The following SLC14A1 variants were observed in gnomAD, a reference collection of about 807,000 sequenced individuals.
SLC14A1 encodes the protein solute carrier family 14 member 1 (Kidd blood group), also known as urea transporter 1.
In SLC14A1, 36 loss-of-function variants were observed where a neutral mutation model predicts 39.6. That is an observed-to-expected ratio of 0.91 (90% CI 0.70 to 1.20). SLC14A1 has a LOEUF of 1.20. Ranked by LOEUF, SLC14A1 falls within the 50% of genes most tolerant of loss-of-function variation. The pLI is 0.00. For synonymous variants in SLC14A1, 164 were observed against 173.6 expected, an observed-to-expected ratio of 0.94 and a Z score of 0.43; for missense variants, 469 against 478.7, an observed-to-expected ratio of 0.98 and a Z score of 0.19.
At position 45,752,328 on chromosome 18, in the gene SLC14A1, C is replaced by A; in HGVS notation, c.*2377C>A. 1.5e-6 allele frequency: 1 copy of A among 658,248 alleles called. No homozygotes were observed. Among genetic ancestry groups the A allele is most frequent in the Non-Finnish European group, 1.9e-6 (1 of 531,488 alleles). The allele number at this position is 658,248 out of a possible 1,614,324, so 40.8% of individuals were successfully genotyped here. On this transcript the variant is annotated 3_prime_UTR_variant, in exon 10 of 10. Coordinates refer to ENST00000321925, the MANE Select transcript of SLC14A1 (RefSeq NM_015865.7). ...AGAACAGGGATCTACCATGCAGGAG[C>A]TTCTTGTGCTCACACAAATCTGTAA...
chr18:45,751,038 A>G lies in SLC14A1; in HGVS notation c.*1087A>G. 4 of 985,078 alleles carry G rather than the reference A, an allele frequency of 4.1e-6. No individual in the cohort carries two copies. The South Asian group carries it at 1.9e-4, about 46-fold the overall frequency. The allele number at this position is 985,078 out of a possible 1,614,324, so 61.0% of individuals were successfully genotyped here. A position where few individuals can be genotyped will look rare whatever the true frequency, so the allele number is the denominator to read the frequency against. On this transcript the variant is annotated 3_prime_UTR_variant, in exon 10 of 10. Transcript: ENST00000321925. Reference sequence around the variant, plus strand: ...TCTCTCAGAAATCAATGGCATTTGAACCACCAAAAAGAAATAAAGGGCTGA... The same window carrying G: ...TCTCTCAGAAATCAATGGCATTTGAGCCACCAAAAAGAAATAAAGGGCTGA...
intron 8 of SLC14A1, among the ~76,000 whole-genome samples, chr18:45,742,558 C>A (rs1044853526): frequency 6.6e-6 from 1 of 151,776 alleles, no homozygotes; most frequent in African/African-American, 2.4e-5. Flanking sequence ...CGGGGTTTCA[C>A]CATGTTGGCC....
At chr18:45,727,396 T>A in intron 2 of SLC14A1, 1 of 1,549,450 alleles carries the variant, frequency 6.5e-7, no homozygotes, top group South Asian at 1.2e-5. Context: ...AGCTTGGCCC[T>A]GGCAGATGGG....
intron 9 of SLC14A1, among the ~76,000 whole-genome samples, chr18:45,749,219 G>T (rs1022915463): frequency 6.6e-6 from 1 of 152,066 alleles, no homozygotes; most frequent in Admixed American, 6.6e-5. Flanking sequence ...ACACCCCAGG[G>T]AGGTCCATGC....
intron 7 of SLC14A1, 23 bp from the exon 8 acceptor site, chr18:45,739,498 CCTGAGTT>C: frequency 6.2e-7 from 1 of 1,613,948 alleles, no homozygotes; most frequent in Non-Finnish European, 8.5e-7. Flanking sequence ...TGCCTTTAGT[CCTGAGTT>C]CTGACCCCTC....
intron 7 of SLC14A1, 101 bp downstream of exon 7, chr18:45,739,411 C>T (rs2047291507): frequency 3.1e-6 from 5 of 1,607,584 alleles, no homozygotes; most frequent in East Asian, 2.2e-5. Context: ...ATCTTGGCTT[C>T]CTAGGGACCA....
At chr18:45,737,947 C>G (rs1231383680) in intron 6 of SLC14A1, among the ~76,000 whole-genome samples, 1 of 152,178 alleles carries the variant, frequency 6.6e-6, no homozygotes, top group Non-Finnish European at 1.5e-5. Context: ...CAACCCCAAC[C>G]CTATGGCTAC....
intron 3 of SLC14A1, 23 bp downstream of exon 3, chr18:45,730,494 G>T: frequency 1.9e-6 from 3 of 1,613,586 alleles, no homozygotes; most frequent in Non-Finnish European, 2.5e-6. Context: ...TCACATTTTG[G>T]AGAGACAGGA....
At chr18:45,749,138 T>A (rs2047637530) in intron 9 of SLC14A1, among the ~76,000 whole-genome samples, 1 of 119,478 alleles carries the variant, frequency 8.4e-6, no homozygotes, top group Non-Finnish European at 2.0e-5. Flanking sequence ...TGCTTGAACA[T>A]CTGTGTTTTT....
intron 9 of SLC14A1, 102 bp downstream of exon 9, chr18:45,748,527 A>G (rs1599329842): frequency 8.6e-7 from 1 of 1,159,194 alleles, no homozygotes. Context: ...CAGTGGCAGG[A>G]TCCATGACCA....
At position 45,742,850 on chromosome 18, in the gene SLC14A1, A is replaced by ATT. The variant is rs28898889; in HGVS notation, c.946+3196_946+3197dup. Reference sequence around the variant, plus strand: ...AGGCATGTGCCACCATGCCCAGCTAATTTTTTTTTGTATTTTTAGTAGAGA... The same window carrying ATT: ...AGGCATGTGCCACCATGCCCAGCTAATTTTTTTTTTTGTATTTTTAGTAGAGA... On this transcript the variant is annotated intron_variant, in intron 8 of 9. Transcript: ENST00000321925. Among the ~76,000 whole-genome samples the ATT allele has an allele frequency of 1.7e-3, 252 of 148,644 alleles. 1 individual carries two copies. The Middle Eastern group carries it at 0.021, about 13-fold the overall frequency.
chr18:45,739,839 A>C (rs183851139), intron 8 of SLC14A1, 177 bp downstream of exon 8: 3 of 684,606 alleles, frequency 4.4e-6, no homozygotes, highest in Admixed American at 2.3e-5. Context: ...CATTAAAATC[A>C]CCTCTGCCTA....
rs753184657 is a variant in SLC14A1 at position 45,739,630 on chromosome 18, C to T, written c.914C>T (p.Thr305Ile). Reference sequence around the variant, plus strand: ...ATGGGAGGAATGTTCATGGCGCTCACCTGGCAAACCCACCTCCTGGCTCTT... The same window carrying T: ...ATGGGAGGAATGTTCATGGCGCTCATCTGGCAAACCCACCTCCTGGCTCTT... ...IAMGGMFMAL[T>I]WQTHLLALGC... Residue 305 changes from threonine to isoleucine, a missense_variant, in exon 8 of 10, where the codon ACC becomes ATC. By Grantham distance (89) the Thr-to-Ile change is moderately conservative. Transcript: ENST00000321925. 3.1e-6 allele frequency: 5 copies of T among 1,614,202 alleles called. No homozygotes were observed. The highest frequency in any genetic ancestry group is 4.5e-5 in the East Asian group (2 of 44,882).
rs764881172 is a variant in SLC14A1 at position 45,749,966 on chromosome 18, T to G, written c.*15T>G. On this transcript the variant is annotated 3_prime_UTR_variant, in exon 10 of 10. Coordinates refer to ENST00000321925, the MANE Select transcript of SLC14A1 (RefSeq NM_015865.7). ...GCCCTTTGTGAGAACAAGCCCCATT[T>G]GCAGCCATGGTCACGAGTCATTTCT... is the stretch of plus-strand genomic sequence containing the variant. 6.2e-7 allele frequency: 1 copy of G among 1,614,234 alleles called. No individual in the cohort carries two copies.
At chr18:45,749,412 C>A (rs565171348) in intron 9 of SLC14A1, among the ~76,000 whole-genome samples, 1 of 152,198 alleles carries the variant, frequency 6.6e-6, no homozygotes, top group South Asian at 2.1e-4. Flanking sequence ...TCACTGTGGG[C>A]TGGACTAATC....
At chr18:45,726,329 C>T (rs2046860777) in intron 2 of SLC14A1, among the ~76,000 whole-genome samples, 1 of 152,024 alleles carries the variant, frequency 6.6e-6, no homozygotes, top group South Asian at 2.1e-4. Context: ...GAATAAACAA[C>T]AGGGGGAGAA....
chr18:45,731,732 TGATTA>T (rs1449074011), intron 4 of SLC14A1: 1 of 184,076 alleles, frequency 5.4e-6, no homozygotes, highest in Non-Finnish European at 1.2e-5. Flanking sequence ...TCTGATATAT[TGATTA>T]GATTAAAAAT....
At position 45,748,395 on chromosome 18, in the gene SLC14A1, T is replaced by C; in HGVS notation, c.966T>C (p.Leu322=). ...CTGTAGCCCTGTTCACGGCCTATCTTGGAGTCGGCATGGCAAACTTTATGG... is the reference window on the plus strand; with the variant it reads ...CTGTAGCCCTGTTCACGGCCTATCTCGGAGTCGGCATGGCAAACTTTATGG... ...ALGCALFTAY[L]GVGMANFMAE... is the part of the protein sequence containing the mutation. The change falls in exon 9 of 10, where the codon CTT becomes CTC. Residue 322 remains leucine, a synonymous_variant. Coordinates refer to ENST00000321925, the MANE Select transcript of SLC14A1 (RefSeq NM_015865.7). 1 of 1,614,176 alleles carries C rather than the reference T, an allele frequency of 6.2e-7. No individual in the cohort carries two copies. Among genetic ancestry groups the C allele is most frequent in the Non-Finnish European group, 8.5e-7 (1 of 1,180,012 alleles).
intron 6 of SLC14A1, 42 bp from the exon 7 acceptor site, chr18:45,739,121 A>C (rs1209511599): frequency 1.2e-6 from 2 of 1,612,202 alleles, no homozygotes; most frequent in Non-Finnish European, 1.7e-6. Context: ...GTTTCTGTTC[A>C]GTTGTTTTGG....
Sources: allele counts gnomAD v4.1 joint callset (sites outside exome capture counted in the v4.1 genomes callset), GRCh38; gene constraint gnomAD v4.1.1; transcripts MANE v1.5; gene names NCBI Gene and HGNC (gene_info 2026-07-23, HGNC 2026-07-21).